Variants in PRR5L observed in about 807,000 individuals in gnomAD.
PRR5L encodes proline rich 5 like, also known as proline-rich protein 5-like.
Under a neutral mutation model 36.4 loss-of-function variants are expected in PRR5L, and 21 were observed. The ratio of observed to expected loss-of-function variants is 0.58; its 90% CI spans 0.41 to 0.83. The LOEUF (loss-of-function observed/expected upper bound fraction) is 0.83, where lower values mean the gene tolerates loss of function less well. PRR5L is among the 40% of genes least tolerant of loss of function. The probability of loss-of-function intolerance (pLI) is 0.00; values close to 1 mark genes in which losing one functional copy is unlikely to be tolerated. For missense variants in PRR5L, 381 were observed against 473.3 expected, an observed-to-expected ratio of 0.80 and a Z score of 1.81; for synonymous variants, 188 against 197.0, an observed-to-expected ratio of 0.95 and a Z score of 0.38.
chr11:36,460,635 A>C (rs956177668), intron 8 of PRR5L, among the ~76,000 whole-genome samples: 4 of 152,198 alleles, frequency 2.6e-5, no homozygotes, highest in Non-Finnish European at 5.9e-5. Context: ...ATGGAATATA[A>C]TACCTGAGCC....
chr11:36,434,480 A>G (rs888046653), intron 5 of PRR5L, among the ~76,000 whole-genome samples: 3 of 152,048 alleles, frequency 2.0e-5, no homozygotes, highest in Admixed American at 6.5e-5. Flanking sequence ...CCCCTTCTTT[A>G]CTGATGCAGA....
chr11:36,351,667 T>A (rs1337627373), intron 1 of PRR5L, among the ~76,000 whole-genome samples: 1 of 3,020 alleles, frequency 3.3e-4, no homozygotes, highest in African/African-American at 1.0e-3. Flanking sequence ...AAATATATAT[T>A]TATATACTTA....
At chr11:36,402,675 T>C (rs1590541704) in intron 2 of PRR5L, among the ~76,000 whole-genome samples, 1 of 152,204 alleles carries the variant, frequency 6.6e-6, no homozygotes, top group Non-Finnish European at 1.5e-5. Context: ...GGCCTTAATA[T>C]AGACAAGATT....
At chr11:36,418,688 C>G (rs940284974) in intron 3 of PRR5L, among the ~76,000 whole-genome samples, 1 of 151,826 alleles carries the variant, frequency 6.6e-6, no homozygotes, top group Non-Finnish European at 1.5e-5. Flanking sequence ...CCCAGCTACT[C>G]GGGAGGCTGA....
chr11:36,351,582 T>C (rs1189397740), intron 1 of PRR5L, among the ~76,000 whole-genome samples: 3 of 19,550 alleles, frequency 1.5e-4, no homozygotes, highest in South Asian at 2.0e-3. Context: ...TATATAAATA[T>C]ATATTTATAT....
At chr11:36,420,374 A>G (rs1858238127) in intron 4 of PRR5L, among the ~76,000 whole-genome samples, 1 of 152,230 alleles carries the variant, frequency 6.6e-6, no homozygotes, top group Non-Finnish European at 1.5e-5. Flanking sequence ...CTTTAGAGGC[A>G]GAGTGCTTGG....
Position 36,401,207 on chromosome 11 carries a change from C to A in PRR5L, c.86C>A (p.Ser29Tyr), listed in dbSNP as rs763549439. The A allele has an allele frequency of 6.5e-5, 105 of 1,613,760 alleles. 1 individual carries two copies. Among genetic ancestry groups the A allele is most frequent in the Non-Finnish European group, 7.5e-5 (88 of 1,179,970 alleles). The change falls in exon 2 of 9, where the codon TCC becomes TAC. Residue 29 changes from serine to tyrosine, a missense_variant. Coordinates refer to ENST00000530639, the MANE Select transcript of PRR5L (RefSeq NM_001160167.2). ...AGGCCTAGACCGCGCTTCATGAGCT[C>A]CCCCGTGCTCAGCGACCTTCCCCGA... is the stretch of plus-strand genomic sequence containing the variant. ...FRRPRPRFMS[S>Y]PVLSDLPRFQ...
At chr11:36,413,818 C>T (rs1015061059) in intron 3 of PRR5L, among the ~76,000 whole-genome samples, 4 of 148,224 alleles carry the variant, frequency 2.7e-5, no homozygotes, top group African/African-American at 7.5e-5. Context: ...CCCATTAACT[C>T]GTCATTTAGC....
chr11:36,416,195 T>C (rs535284970), intron 3 of PRR5L, among the ~76,000 whole-genome samples: 6 of 152,206 alleles, frequency 3.9e-5, no homozygotes, highest in Non-Finnish European at 8.8e-5. Flanking sequence ...CATATATATA[T>C]ATAACATGTG....
chr11:36,338,150 G>C (rs1489017637), intron 1 of PRR5L, among the ~76,000 whole-genome samples: 1 of 152,200 alleles, frequency 6.6e-6, no homozygotes, highest in African/African-American at 2.4e-5. Context: ...TGTTAAAAAG[G>C]AAGAAGGGGA....
At chr11:36,433,917 C>T (rs541317951) in intron 5 of PRR5L, among the ~76,000 whole-genome samples, 8 of 152,300 alleles carry the variant, frequency 5.3e-5, no homozygotes, top group African/African-American at 1.9e-4. Flanking sequence ...GGAAAGGAAA[C>T]ATTATCCCTG....
intron 6 of PRR5L, among the ~76,000 whole-genome samples, chr11:36,438,995 T>G (rs1269154982): frequency 6.6e-6 from 1 of 152,182 alleles, no homozygotes; most frequent in Non-Finnish European, 1.5e-5. Flanking sequence ...AAGCAAATAA[T>G]GCAATATTTG....
chr11:36,406,598 A>G (rs1349864263), intron 3 of PRR5L, among the ~76,000 whole-genome samples: 1 of 152,168 alleles, frequency 6.6e-6, no homozygotes, highest in African/African-American at 2.4e-5. Flanking sequence ...CATCTTAAAC[A>G]CTGAAATAGG....
chr11:36,367,814 G>C (rs1857159668), intron 1 of PRR5L, among the ~76,000 whole-genome samples: 1 of 152,046 alleles, frequency 6.6e-6, no homozygotes, highest in African/African-American at 2.4e-5. Flanking sequence ...TGAAGTGTAT[G>C]AGGTAAACAA....
intron 1 of PRR5L, among the ~76,000 whole-genome samples, chr11:36,360,908 C>T (rs1857079818): frequency 6.6e-6 from 1 of 152,204 alleles, no homozygotes; most frequent in South Asian, 2.1e-4. Flanking sequence ...CAGCAGTTCT[C>T]GACATGTGGT....
At chr11:36,451,118 G>A in intron 7 of PRR5L, 91 bp from the exon 8 acceptor site, 3 of 1,485,536 alleles carry the variant, frequency 2.0e-6, no homozygotes, top group Non-Finnish European at 2.8e-6. Flanking sequence ...CTTGTACATT[G>A]GAGGAGGACA....
intron 4 of PRR5L, 103 bp from the exon 5 acceptor site, chr11:36,431,750 G>A (rs927502784): frequency 9.8e-7 from 1 of 1,023,606 alleles, no homozygotes; most frequent in Non-Finnish European, 1.5e-6. Flanking sequence ...TAGAACACAA[G>A]TGCCTAGAAC....
intron 3 of PRR5L, among the ~76,000 whole-genome samples, chr11:36,418,116 C>T (rs982843729): frequency 6.6e-6 from 1 of 152,194 alleles, no homozygotes; most frequent in African/African-American, 2.4e-5. Context: ...GCTATCTATC[C>T]ATCAGCCCCC....
chr11:36,382,124 C>G (rs1201135190), intron 1 of PRR5L, among the ~76,000 whole-genome samples: 1 of 152,190 alleles, frequency 6.6e-6, no homozygotes, highest in Non-Finnish European at 1.5e-5. Context: ...CGCCACTTCA[C>G]TCCAGCCTGG....
Sources: gnomAD v4.1 joint callset for allele counts (sites outside exome capture counted in the v4.1 genomes callset) on GRCh38, gnomAD v4.1.1 for gene constraint, MANE v1.5 for transcripts, NCBI Gene and HGNC (gene_info 2026-07-23, HGNC 2026-07-21) for gene names.